WDR25: variants seen among roughly 807,000 people sequenced by gnomAD.
WDR25 encodes the protein WD repeat-containing protein 25.
WDR25 carries 35 observed loss-of-function variants against 47.7 expected under a neutral mutation model. That is an observed-to-expected ratio of 0.73 (90% CI 0.56 to 0.97). The LOEUF (loss-of-function observed/expected upper bound fraction) is 0.97, where lower values mean the gene tolerates loss of function less well. Ranked by LOEUF, WDR25 falls within the 50% of genes least tolerant of loss-of-function variation. The pLI, the probability that WDR25 is intolerant of heterozygous loss-of-function variation, is 0.00. For missense variants in WDR25, 634 were observed against 704.7 expected (o/e 0.90, Z 1.14); for synonymous variants, 248 against 278.9 (o/e 0.89, Z 1.10).
rs146394646 is a variant in WDR25 at position 100,522,293 on chromosome 14, T to C, written c.1102-3577T>C. ...TATTCAACTTTTCACTTATTGCTTCTGGGTTTGGAGTCATAGCTGGGAAAG... is the reference window on the plus strand; with the variant it reads ...TATTCAACTTTTCACTTATTGCTTCCGGGTTTGGAGTCATAGCTGGGAAAG... On this transcript the variant is annotated intron_variant, in intron 4 of 6. Transcript: ENST00000402312. 1.5e-3 allele frequency among the ~76,000 whole-genome samples: 235 copies of C among 152,348 alleles called. 1 individual carries two copies. Among genetic ancestry groups the C allele is most frequent in the Non-Finnish European group, 1.1e-3 (78 of 68,034 alleles).
At chr14:100,463,292 C>T (rs137939666) in intron 2 of WDR25, among the ~76,000 whole-genome samples, 2,558 of 152,238 alleles carry the variant, frequency 0.017, 28 homozygotes, top group Non-Finnish European at 0.023. Flanking sequence ...GATACCTATA[C>T]ACCTGTCACT....
At chr14:100,393,814 T>C (rs1433704746) in intron 2 of WDR25, among the ~76,000 whole-genome samples, 2 of 152,188 alleles carry the variant, frequency 1.3e-5, no homozygotes, top group East Asian at 3.9e-4. Context: ...CGTTAATGGC[T>C]TGAGTGTCCT....
intron 2 of WDR25, among the ~76,000 whole-genome samples, chr14:100,450,124 T>TA (rs1898976462): frequency 6.6e-6 from 1 of 152,228 alleles, no homozygotes; most frequent in African/African-American, 2.4e-5. Flanking sequence ...GCTCCAATGC[T>TA]TAAAAAACCA....
intron 1 of WDR25, among the ~76,000 whole-genome samples, chr14:100,379,317 A>G (rs1207698570): frequency 6.6e-6 from 1 of 151,852 alleles, no homozygotes; most frequent in Non-Finnish European, 1.5e-5. Context: ...ACCAAAATGG[A>G]CCTTCCAAAG....
rs775498632 is a variant in WDR25, at chr14:100,529,245, C to T, written c.1413+37C>T. On this transcript the variant is annotated intron_variant, in intron 6 of 6. Coordinates refer to ENST00000402312, the MANE Select transcript of WDR25 (RefSeq NM_001161476.3). This position sits in a 1 kb window ranked among gnomAD's most constrained non-coding sequence, Gnocchi z 5.1. Reference sequence around the variant, plus strand: ...CTTGTCCCCCAGGCGAATGCTGAGCCCCAGCCCCAAGCCTCCTGGCAGTCC... The same window carrying T: ...CTTGTCCCCCAGGCGAATGCTGAGCTCCAGCCCCAAGCCTCCTGGCAGTCC... The T allele has an allele frequency of 1.2e-6, 2 of 1,611,366 alleles. No individual in the cohort carries two copies. The highest frequency in any genetic ancestry group is 2.2e-5 in the South Asian group (2 of 91,052).
chr14:100,481,310 T>A, intron 3 of WDR25: 2 of 944,718 alleles, frequency 2.1e-6, no homozygotes, highest in South Asian at 2.6e-5. Context: ...GTGGTCCCTG[T>A]CTCCCTTCTT....
chr14:100,418,469 T>A (rs1392688383), intron 2 of WDR25, among the ~76,000 whole-genome samples: 2 of 151,346 alleles, frequency 1.3e-5, no homozygotes, highest in African/African-American at 4.8e-5. Flanking sequence ...CCTTCTCTAC[T>A]AAAAATACAA....
At chr14:100,478,093 A>AC (rs1900078003) in intron 3 of WDR25, among the ~76,000 whole-genome samples, 1 of 134,294 alleles carries the variant, frequency 7.4e-6, no homozygotes, top group South Asian at 2.3e-4. Context: ...TCTGTCTCAA[A>AC]AAAACAAAAC....
In WDR25 at chr14:100,426,554, C is replaced by T. The variant is rs80171371; in HGVS notation, c.823-41467C>T. Among the ~76,000 whole-genome samples, 405 of 152,320 alleles carry T rather than the reference C, an allele frequency of 2.7e-3. 13 individuals carry two copies. The East Asian group carries it at 0.04, about 15-fold the overall frequency. ...CAGCCCACATTTGTCAAGTGTTCTCCGCGTATTTTGCGCAGGATTGGAAGG... is the reference window on the plus strand; with the variant it reads ...CAGCCCACATTTGTCAAGTGTTCTCTGCGTATTTTGCGCAGGATTGGAAGG... On this transcript the variant is annotated intron_variant, in intron 2 of 6. Coordinates refer to ENST00000402312, the MANE Select transcript of WDR25 (RefSeq NM_001161476.3).
chr14:100,412,206 CAAAAAAAAAAAAA>C (rs34698940), intron 2 of WDR25, among the ~76,000 whole-genome samples: 5 of 54,220 alleles, frequency 9.2e-5, no homozygotes, highest in Admixed American at 4.0e-4. Flanking sequence ...GACCCTGTCT[CAAAAAAAAAAAAA>C]AAAAAAAAGG....
In WDR25 at chr14:100,485,162, G is replaced by A. The variant is rs184442302; in HGVS notation, c.1101+1038G>A. Among the ~76,000 whole-genome samples, 6 of 151,466 alleles carry A rather than the reference G, an allele frequency of 4.0e-5. No homozygotes were observed. In the East Asian group the frequency reaches 1.2e-3, roughly 30 times the overall value. On this transcript the variant is annotated intron_variant, in intron 4 of 6. Transcript: ENST00000402312. ...CTCTGCCTGGAAGGCTCTTCTGCCTGTTTCCTAAGTAGAGGCTTGCTGCCC... is the reference window on the plus strand; with the variant it reads ...CTCTGCCTGGAAGGCTCTTCTGCCTATTTCCTAAGTAGAGGCTTGCTGCCC...
chr14:100,381,369 C>T lies in WDR25; in HGVS notation c.445C>T (p.His149Tyr), dbSNP rs761088873. ...CAGGAACTTTCCCAAGTCATCTTTC[C>T]ATGCTCAAAGTGAGTCTGAAACCGT... ...LSRNFPKSSF[H>Y]AQSESETVGK... is the part of the protein sequence containing the mutation. The change falls in exon 2 of 7, where the codon CAT becomes TAT. Residue 149 changes from histidine to tyrosine, a missense_variant. His to Tyr is a moderately conservative substitution (Grantham distance 83). Coordinates refer to ENST00000402312, the MANE Select transcript of WDR25 (RefSeq NM_001161476.3). 1.7e-5 allele frequency: 27 copies of T among 1,614,240 alleles called. No individual in the cohort carries two copies. Among genetic ancestry groups the T allele is most frequent in the South Asian group, 1.2e-4 (11 of 91,082 alleles).
rs563708189 is a variant in WDR25 at position 100,481,276 on chromosome 14, A to T, written c.971-2718A>T. On this transcript the variant is annotated intron_variant, in intron 3 of 6. Coordinates refer to ENST00000402312, the MANE Select transcript of WDR25 (RefSeq NM_001161476.3). The stretch of plus-strand genomic sequence containing the variant: ...GAGAGAAAGAAACCAAGTCTGATAG[A>T]ATACCATATACCATGTCTTATCAGT... The T allele has an allele frequency of 9.7e-5, 74 of 760,928 alleles. No homozygotes were observed. In the East Asian group the frequency reaches 3.1e-3, roughly 32 times the overall value. 47.1% of individuals were successfully genotyped at this position (760,928 alleles called of 1,614,324 possible). A position where few individuals can be genotyped will look rare whatever the true frequency, so the allele number is the denominator to read the frequency against.
At chr14:100,469,047 C>T (rs1899740466) in intron 3 of WDR25, among the ~76,000 whole-genome samples, 1 of 152,180 alleles carries the variant, frequency 6.6e-6, no homozygotes, top group African/African-American at 2.4e-5. Context: ...CTCATTTCTG[C>T]TGGGCTCCAC....
At chr14:100,518,011 A>G (rs1260729237) in intron 4 of WDR25, among the ~76,000 whole-genome samples, 1 of 152,206 alleles carries the variant, frequency 6.6e-6, no homozygotes, top group East Asian at 1.9e-4. Flanking sequence ...TACGTATTTC[A>G]TATAACTTAA....
intron 4 of WDR25, among the ~76,000 whole-genome samples, chr14:100,489,330 G>A (rs1016689642): frequency 2.6e-5 from 4 of 152,216 alleles, no homozygotes; most frequent in Non-Finnish European, 4.4e-5. Flanking sequence ...GGAAGCTGTA[G>A]AATTGCAGGA....
chr14:100,413,822 A>G (rs868692368), intron 2 of WDR25, among the ~76,000 whole-genome samples: 4 of 152,206 alleles, frequency 2.6e-5, no homozygotes, highest in Non-Finnish European at 5.9e-5. Context: ...CGTAGCCTTT[A>G]GTGTCTGACT....
chr14:100,495,465 G>A (rs1237272260), intron 4 of WDR25, among the ~76,000 whole-genome samples: 2 of 152,252 alleles, frequency 1.3e-5, no homozygotes, highest in Non-Finnish European at 2.9e-5. Flanking sequence ...GAACCTGGTA[G>A]CTCCTGGAGG....
chr14:100,501,483 G>A (rs1012554445), intron 4 of WDR25, among the ~76,000 whole-genome samples: 1 of 152,252 alleles, frequency 6.6e-6, no homozygotes, highest in Middle Eastern at 3.4e-3. Context: ...CTGTGCTTTC[G>A]GCTGAAGATG....
Sources: allele counts gnomAD v4.1 joint callset (sites outside exome capture counted in the v4.1 genomes callset), GRCh38; gene constraint gnomAD v4.1.1; non-coding constraint Gnocchi (gnomAD v3.1); transcripts MANE v1.5; gene names NCBI Gene and HGNC (gene_info 2026-07-23, HGNC 2026-07-21).